The following CCDC88A variants were observed in gnomAD, a reference collection of about 807,000 sequenced individuals.
The protein encoded by CCDC88A is coiled-coil and HOOK domain protein 88A.
CCDC88A carries 54 observed loss-of-function variants against 234.3 expected under a neutral mutation model. The observed-to-expected ratio is 0.23, with a 90% CI of 0.19 to 0.29. The LOEUF is 0.29. Ranked by LOEUF, CCDC88A falls within the 10% of genes least tolerant of loss-of-function variation. CCDC88A has a pLI of 1.00. For missense variants in CCDC88A, 1,832 were observed against 2,123.4 expected (o/e 0.86, Z 2.70); for synonymous variants, 753 against 737.8 (o/e 1.02, Z -0.33).
intron 16 of CCDC88A, chr2:55,330,163 A>G (rs1249584209): frequency 6.6e-6 from 1 of 152,174 alleles, no homozygotes; most frequent in Non-Finnish European, 1.5e-5. Context: ...TAATAATTGT[A>G]CCTTCAAATA....
intron 7 of CCDC88A, chr2:55,356,739 G>A (rs1670637281): frequency 6.6e-6 from 1 of 152,050 alleles, no homozygotes; most frequent in Non-Finnish European, 1.5e-5. Flanking sequence ...AGACCAGCCT[G>A]ACCAACATGG....
intron 31 of CCDC88A, chr2:55,292,828 T>G (rs1424678054): frequency 2.0e-5 from 3 of 152,246 alleles, no homozygotes; most frequent in Non-Finnish European, 4.4e-5. Context: ...GCCACTGTAC[T>G]CCAGCCTAGG....
At chr2:55,381,552 CAAAA>C (rs5831359) in intron 3 of CCDC88A, among the ~76,000 whole-genome samples, 1 of 93,412 alleles carries the variant, frequency 1.1e-5, no homozygotes, top group Non-Finnish European at 1.9e-5. Context: ...GACCCTGTCT[CAAAA>C]AAAAAAAAAA....
intron 9 of CCDC88A, chr2:55,348,839 A>C (rs1025820834): frequency 6.6e-6 from 1 of 152,194 alleles, no homozygotes; most frequent in Non-Finnish European, 1.5e-5. Flanking sequence ...TCATTTATCT[A>C]TGAAGGTCCC....
At chr2:55,311,042 A>G (rs1384936682) in intron 23 of CCDC88A, among the ~76,000 whole-genome samples, 1 of 152,222 alleles carries the variant, frequency 6.6e-6, no homozygotes, top group African/African-American at 2.4e-5. Context: ...AACTATCTAG[A>G]TACAAGCACT....
At chr2:55,367,350 A>G (rs934810863) in intron 5 of CCDC88A, among the ~76,000 whole-genome samples, 10 of 152,156 alleles carry the variant, frequency 6.6e-5, no homozygotes, top group Non-Finnish European at 1.2e-4. Context: ...ATGTGAATGT[A>G]CAGCAATCAG....
chr2:55,364,777 T>A (rs573390976), intron 5 of CCDC88A, among the ~76,000 whole-genome samples: 32 of 152,256 alleles, frequency 2.1e-4, no homozygotes, highest in African/African-American at 7.7e-4. Context: ...CCAGTCAGCA[T>A]TAACAATTTA....
chr2:55,301,784 G>T, intron 27 of CCDC88A, 88 bp downstream of exon 27: 1 of 1,116,370 alleles, frequency 9.0e-7, no homozygotes, highest in Non-Finnish European at 1.3e-6. Context: ...TCAGGTTGCT[G>T]CTTTTTAAAA....
rs188539666 is a variant in CCDC88A at position 55,299,838 on chromosome 2, C to T, written c.4825+1G>A. On this transcript the variant is annotated splice_donor_variant, in intron 29 of 32. Coordinates refer to ENST00000436346, the MANE Select transcript of CCDC88A (RefSeq NM_001365480.1). LOFTEE classifies it high-confidence loss of function. ...CATTAATAAATTTACCTACAGCATA[C>T]CTTTGACTTCATGTAGTGAAGCATT... The T allele has an allele frequency of 6.2e-6, 10 of 1,600,134 alleles. No homozygotes were observed. The East Asian group carries it at 2.2e-4, about 36-fold the overall frequency.
rs149277050 is a variant in CCDC88A at position 55,294,565 on chromosome 2, C to T, written c.5551+1032G>A. The stretch of plus-strand genomic sequence containing the variant: ...AGAAAACAACATCTTTTTACATTTT[C>T]CCTACTGATACTGTACATATGTAAT... On this transcript the variant is annotated intron_variant, in intron 31 of 32. Transcript: ENST00000436346. 1.6e-5 allele frequency: 16 copies of T among 983,662 alleles called. No homozygotes were observed. In the African/African-American group the frequency reaches 2.6e-4, roughly 16 times the overall value. 60.9% of individuals were successfully genotyped at this position (983,662 alleles called of 1,614,324 possible). A position where few individuals can be genotyped will look rare whatever the true frequency, so the allele number is the denominator to read the frequency against.
At chr2:55,374,719 G>C (rs1673355195) in intron 4 of CCDC88A, 95 bp downstream of exon 4, 2 of 649,264 alleles carry the variant, frequency 3.1e-6, no homozygotes, top group Non-Finnish European at 2.7e-6. Context: ...GAAAAATCTA[G>C]TGAGTTAATG....
intron 18 of CCDC88A, among the ~76,000 whole-genome samples, chr2:55,321,676 T>G (rs1683654110): frequency 6.6e-6 from 1 of 152,174 alleles, no homozygotes. Context: ...TCTGCTAAAA[T>G]TGAGACATCT....
At chr2:55,300,021 C>T in intron 28 of CCDC88A, 102 bp from the exon 29 acceptor site, 1 of 790,240 alleles carries the variant, frequency 1.3e-6, no homozygotes, top group Admixed American at 2.0e-5. Flanking sequence ...AGCAATCATG[C>T]ATACTTTCAC....
At chr2:55,357,359 CCTCT>C (rs200748764) in intron 7 of CCDC88A, among the ~76,000 whole-genome samples, 1,986 of 150,806 alleles carry the variant, frequency 0.013, 40 homozygotes, top group African/African-American at 0.045. Context: ...TCCCTCCTTC[CCTCT>C]CTATCTCTCT....
At chr2:55,410,822 G>A (rs1680349461) in intron 2 of CCDC88A, among the ~76,000 whole-genome samples, 1 of 151,924 alleles carries the variant, frequency 6.6e-6, no homozygotes, top group South Asian at 2.1e-4. Flanking sequence ...GAGCCCAGGA[G>A]GCAGAGGTTG....
Position 55,313,829 on chromosome 2 carries a change from TGTAACTGTGAA to T in CCDC88A, c.3934-1261_3934-1251del. 2 of 152,312 alleles carry T rather than the reference TGTAACTGTGAA, an allele frequency of 1.3e-5. 1 individual carries two copies. The allele number at this position is 152,312 out of a possible 1,614,324, so 9.4% of individuals were successfully genotyped here. ...ATAATCATAAACAACCATCTAGATC[TGTAACTGTGAA>T]TATCATACTACGTTGGTTTTATTTA... is the stretch of plus-strand genomic sequence containing the variant. On this transcript the variant is annotated intron_variant, in intron 22 of 32. Coordinates refer to ENST00000436346, the MANE Select transcript of CCDC88A (RefSeq NM_001365480.1).
At chr2:55,410,948 A>C (rs1196356816) in intron 2 of CCDC88A, among the ~76,000 whole-genome samples, 1 of 152,080 alleles carries the variant, frequency 6.6e-6, no homozygotes, top group Non-Finnish European at 1.5e-5. Context: ...GCATAAAAAT[A>C]GAATCAGGAA....
intron 8 of CCDC88A, among the ~76,000 whole-genome samples, chr2:55,351,015 G>A (rs986576847): frequency 7.9e-5 from 12 of 152,184 alleles, no homozygotes; most frequent in African/African-American, 2.9e-4. Flanking sequence ...ACTTTACTAA[G>A]TGGATTCCAT....
At position 55,419,001 on chromosome 2, in the gene CCDC88A, A is replaced by G; in HGVS notation, c.63+16T>C. 1.2e-6 allele frequency: 2 copies of G among 1,609,104 alleles called. No homozygotes were observed. The highest frequency in any genetic ancestry group is 4.5e-5 in the East Asian group (2 of 44,868). The stretch of plus-strand genomic sequence containing the variant: ...AATAACTCAGCAAAATATACAATAA[A>G]GGACACCCCACTTACCCAAGTGACC... On this transcript the variant is annotated intron_variant, in intron 1 of 32. Transcript: ENST00000436346.
Sources: allele counts gnomAD v4.1 joint callset (sites outside exome capture counted in the v4.1 genomes callset), GRCh38; gene constraint gnomAD v4.1.1; transcripts MANE v1.5; gene names NCBI Gene and HGNC (gene_info 2026-07-23, HGNC 2026-07-21).